STARD13: variants seen among roughly 807,000 people sequenced by gnomAD.
STARD13 encodes the protein StAR related lipid transfer domain containing 13.
STARD13 carries 62 observed loss-of-function variants against 106.4 expected under a neutral mutation model. The ratio of observed to expected loss-of-function variants is 0.58; its 90% CI spans 0.48 to 0.72. The LOEUF (loss-of-function observed/expected upper bound fraction) is 0.72. STARD13 is among the 30% of genes least tolerant of loss of function. The pLI is 0.00. For missense variants in STARD13, 1,387 were observed against 1,424.0 expected (o/e 0.97, Z 0.42); for synonymous variants, 565 against 553.0 (o/e 1.02, Z -0.31).
At chr13:33,519,148 C>A in the STARD13 span, among the ~76,000 whole-genome samples, 1 of 152,174 alleles carries the variant, frequency 6.6e-6, no homozygotes, top group African/African-American at 2.4e-5. Context: ...CAGCAAGAAT[C>A]CTCTCAGGTG....
chr13:33,288,955 A>T (rs185116759), upstream of STARD13, among the ~76,000 whole-genome samples: 1 of 152,218 alleles, frequency 6.6e-6, no homozygotes, highest in African/African-American at 2.4e-5. Flanking sequence ...TTGTGATCAT[A>T]TAGTCCCCGT....
chr13:33,526,077 C>T, the STARD13 span, among the ~76,000 whole-genome samples: 1 of 151,976 alleles, frequency 6.6e-6, no homozygotes, highest in East Asian at 1.9e-4. Context: ...ATGACAATAA[C>T]ATGGTGATGA....
intron 1 of STARD13, among the ~76,000 whole-genome samples, chr13:33,211,316 G>A (rs1887701993): frequency 6.6e-6 from 1 of 151,722 alleles, no homozygotes; most frequent in Non-Finnish European, 1.5e-5. Flanking sequence ...AAATAATGCA[G>A]AAGCATAGCC....
At chr13:33,403,583 G>A in the STARD13 span, among the ~76,000 whole-genome samples, 1 of 152,226 alleles carries the variant, frequency 6.6e-6, no homozygotes. Context: ...AACGTAATAG[G>A]CTGGAAATAA....
the STARD13 span, among the ~76,000 whole-genome samples, chr13:33,499,541 T>G: frequency 1.9e-5 from 1 of 53,144 alleles, no homozygotes; most frequent in African/African-American, 6.8e-5. Flanking sequence ...CTTCTTCTTC[T>G]TCTTCTTCTT....
chr13:33,205,254 T>G (rs950759298), intron 1 of STARD13, among the ~76,000 whole-genome samples: 2 of 152,218 alleles, frequency 1.3e-5, no homozygotes, highest in African/African-American at 4.8e-5. Flanking sequence ...GTAACAGACT[T>G]TCTGAGAAAG....
At chr13:33,547,554 G>A in the STARD13 span, among the ~76,000 whole-genome samples, 1 of 152,132 alleles carries the variant, frequency 6.6e-6, no homozygotes, top group African/African-American at 2.4e-5. Flanking sequence ...ATTTTGTAAC[G>A]TAACCTTGAG....
the STARD13 span, among the ~76,000 whole-genome samples, chr13:33,454,431 G>A: frequency 2.0e-5 from 3 of 152,034 alleles, no homozygotes; most frequent in Non-Finnish European, 2.9e-5. Context: ...TCCTATCTTC[G>A]TATCTACTCT....
the STARD13 span, among the ~76,000 whole-genome samples, chr13:33,568,943 T>G: frequency 6.8e-6 from 1 of 148,044 alleles, no homozygotes; most frequent in Non-Finnish European, 1.5e-5. Flanking sequence ...TATACTTTTT[T>G]AAACTACCAA....
chr13:33,618,686 C>T, the STARD13 span, among the ~76,000 whole-genome samples: 1 of 152,028 alleles, frequency 6.6e-6, no homozygotes, highest in South Asian at 2.1e-4. Context: ...CTGAATCTTT[C>T]CATCATTGAA....
chr13:33,662,571 T>C, the STARD13 span, among the ~76,000 whole-genome samples: 10 of 152,210 alleles, frequency 6.6e-5, no homozygotes, highest in African/African-American at 2.4e-4. Flanking sequence ...CCCTGCACTT[T>C]AACTTCACGT....
At chr13:33,498,392 G>C in the STARD13 span, among the ~76,000 whole-genome samples, 2 of 152,146 alleles carry the variant, frequency 1.3e-5, no homozygotes, top group African/African-American at 4.8e-5. Context: ...GGGATTGTTA[G>C]AGCCTCTTTA....
chr13:33,125,437 AT>A (rs886448355), intron 7 of STARD13, among the ~76,000 whole-genome samples: 5 of 152,108 alleles, frequency 3.3e-5, no homozygotes, highest in Admixed American at 3.3e-4. Flanking sequence ...AGCACTCTGG[AT>A]TTAATCACAG....
the STARD13 span, among the ~76,000 whole-genome samples, chr13:33,650,479 C>T: frequency 6.6e-6 from 1 of 151,830 alleles, no homozygotes; most frequent in African/African-American, 2.4e-5. Flanking sequence ...CGTGAGCCAC[C>T]GCGCCCGGCC....
the STARD13 span, among the ~76,000 whole-genome samples, chr13:33,485,658 C>T: frequency 6.6e-6 from 1 of 152,250 alleles, no homozygotes; most frequent in South Asian, 2.1e-4. Context: ...GAAATTGAGA[C>T]TAAATGAGGT....
intron 1 of STARD13, among the ~76,000 whole-genome samples, chr13:33,340,937 TC>T (rs1369494680): frequency 1.3e-5 from 2 of 152,192 alleles, no homozygotes; most frequent in African/African-American, 4.8e-5. Flanking sequence ...TGCACTACTG[TC>T]CCAACATGCT....
At chr13:33,598,373 T>C in the STARD13 span, among the ~76,000 whole-genome samples, 134 of 152,334 alleles carry the variant, frequency 8.8e-4, no homozygotes, top group African/African-American at 3.2e-3. Flanking sequence ...AATCTCATGG[T>C]TGTGCTCTTA....
At chr13:33,614,416 A>G in the STARD13 span, among the ~76,000 whole-genome samples, 5 of 151,778 alleles carry the variant, frequency 3.3e-5, no homozygotes, top group African/African-American at 1.2e-4. Context: ...CTTTGAGACC[A>G]ATGTTGACCC....
At chr13:33,613,307 A>G in the STARD13 span, among the ~76,000 whole-genome samples, 1 of 152,238 alleles carries the variant, frequency 6.6e-6, no homozygotes, top group Non-Finnish European at 1.5e-5. Flanking sequence ...TAGTGAATTG[A>G]AGTGACACCC....
Sources: gnomAD v4.1 joint callset for allele counts (sites outside exome capture counted in the v4.1 genomes callset) on GRCh38, gnomAD v4.1.1 for gene constraint, MANE v1.5 for transcripts, NCBI Gene and HGNC (gene_info 2026-07-23, HGNC 2026-07-21) for gene names.